The following PTPRD variants were observed in gnomAD, a reference collection of about 807,000 sequenced individuals.
PTPRD encodes receptor-type tyrosine-protein phosphatase delta.
Under a neutral mutation model 214.5 loss-of-function variants are expected in PTPRD, and 34 were observed. That is an observed-to-expected ratio of 0.16 (90% CI 0.12 to 0.21). The LOEUF is 0.21. Ranked by LOEUF, PTPRD falls within the 10% of genes least tolerant of loss-of-function variation. The pLI is 1.00. For synonymous variants in PTPRD, 1,128 were observed against 845.7 expected, an observed-to-expected ratio of 1.33 and a Z score of -5.79; for missense variants, 2,545 against 2,398.7, an observed-to-expected ratio of 1.06 and a Z score of -1.27.
chr9:9,125,289 C>G (rs998873233), intron 10 of PTPRD, among the ~76,000 whole-genome samples: 2 of 152,138 alleles, frequency 1.3e-5, no homozygotes, highest in African/African-American at 4.8e-5. Flanking sequence ...CATGGGAGCA[C>G]CTCGCTGCCA....
At chr9:10,041,214 T>C (rs1434191175) in intron 3 of PTPRD, among the ~76,000 whole-genome samples, 1 of 152,020 alleles carries the variant, frequency 6.6e-6, no homozygotes, top group Non-Finnish European at 1.5e-5. Context: ...CACACAAAAA[T>C]TTGTCATTTG....
At chr9:10,482,879 T>C (rs980988478) in intron 2 of PTPRD, among the ~76,000 whole-genome samples, 2 of 152,140 alleles carry the variant, frequency 1.3e-5, no homozygotes, top group African/African-American at 4.8e-5. Flanking sequence ...ATTGACAGAT[T>C]GAATGCAATC....
chr9:10,337,250 T>C (rs73644418), intron 3 of PTPRD, among the ~76,000 whole-genome samples: 1,976 of 151,814 alleles, frequency 0.013, 50 homozygotes, highest in African/African-American at 0.045. Context: ...CTCATTATTA[T>C]ATATGTACAC....
intron 6 of PTPRD, among the ~76,000 whole-genome samples, chr9:9,758,793 G>T (rs1474384205): frequency 2.0e-5 from 3 of 148,522 alleles, no homozygotes; most frequent in Admixed American, 1.4e-4. Flanking sequence ...AGAGCAACTG[G>T]AACATCAAGT....
At chr9:9,299,464 C>T (rs913800929) in intron 9 of PTPRD, among the ~76,000 whole-genome samples, 6 of 151,696 alleles carry the variant, frequency 4.0e-5, no homozygotes, top group African/African-American at 1.5e-4. Flanking sequence ...TTCAATGGTG[C>T]TGGCTAGTGA....
chr9:10,359,293 T>C (rs1351592149), intron 2 of PTPRD, among the ~76,000 whole-genome samples: 2 of 152,030 alleles, frequency 1.3e-5, no homozygotes, highest in African/African-American at 2.4e-5. Flanking sequence ...AATACATATA[T>C]GATTATAAGC....
Position 8,339,052 on chromosome 9 carries a change from AAGG to A in PTPRD, c.5254-8_5254-6del. ...CCAGTATTGGTGACATTTCTCCTAA[AAGG>A]AGAGAAGATTAATGTTAAACTATGC... On this transcript the variant is annotated splice_polypyrimidine_tract_variant and splice_region_variant and intron_variant, in intron 42 of 45. Coordinates refer to ENST00000381196, the MANE Select transcript of PTPRD (RefSeq NM_002839.4). 6.2e-7 allele frequency: 1 copy of A among 1,609,882 alleles called. No individual in the cohort carries two copies. The highest frequency in any genetic ancestry group is 8.5e-7 in the Non-Finnish European group (1 of 1,177,236).
intron 8 of PTPRD, among the ~76,000 whole-genome samples, chr9:9,522,387 G>A (rs1046600520): frequency 2.0e-5 from 3 of 152,052 alleles, no homozygotes; most frequent in African/African-American, 7.2e-5. Flanking sequence ...TTTCTAAAGG[G>A]AACTATCTGG....
rs375322764 is a variant in PTPRD, at chr9:8,933,040, C to G, written c.-104+85657G>C. Among the ~76,000 whole-genome samples the G allele has an allele frequency of 7.2e-4, 110 of 152,142 alleles. 1 individual carries two copies. The highest frequency in any genetic ancestry group is 3.4e-3 in the Middle Eastern group (1 of 294). On this transcript the variant is annotated intron_variant, in intron 11 of 45. Transcript: ENST00000381196. ...CTCCTGGTCTACAGGTTGCGAAGAC[C>G]ATGGGAAAAGCATAGTATCTGGACC...
intron 5 of PTPRD, among the ~76,000 whole-genome samples, chr9:9,853,299 G>A (rs1194779352): frequency 1.3e-5 from 2 of 152,124 alleles, no homozygotes; most frequent in African/African-American, 4.8e-5. Context: ...TTTATTTATA[G>A]ATACTAAAAT....
chr9:10,354,698 G>A (rs552070883), intron 2 of PTPRD, among the ~76,000 whole-genome samples: 22 of 152,168 alleles, frequency 1.4e-4, no homozygotes, highest in Admixed American at 4.6e-4. Context: ...TGAGGACACT[G>A]ATGAAACATG....
chr9:8,528,052 A>G (rs1431441730), intron 15 of PTPRD: 2 of 180,588 alleles, frequency 1.1e-5, no homozygotes, highest in Non-Finnish European at 2.3e-5. Flanking sequence ...TGTATTAGTG[A>G]AAAGAAAGCA....
intron 7 of PTPRD, among the ~76,000 whole-genome samples, chr9:9,659,404 T>A (rs1401125025): frequency 1.3e-5 from 2 of 152,056 alleles, no homozygotes; most frequent in Admixed American, 1.3e-4. Context: ...CAGGTGAAAT[T>A]ATAATATAGT....
At chr9:9,097,370 A>G (rs1437052732) in intron 10 of PTPRD, among the ~76,000 whole-genome samples, 1 of 151,872 alleles carries the variant, frequency 6.6e-6, no homozygotes, top group Non-Finnish European at 1.5e-5. Context: ...GAAGGGTTTA[A>G]AGAGGCCACA....
At position 8,341,320 on chromosome 9, in the gene PTPRD, C is replaced by G. The variant is rs775531908; in HGVS notation, c.4948-52G>C. 14 of 1,523,632 alleles carry G rather than the reference C, an allele frequency of 9.2e-6. No individual in the cohort carries two copies. In the South Asian group the frequency reaches 1.9e-4, roughly 20 times the overall value. The allele number at this position is 1,523,632 out of a possible 1,614,324, so 94.4% of individuals were successfully genotyped here. A position where few individuals can be genotyped will look rare whatever the true frequency, so the allele number is the denominator to read the frequency against. On this transcript the variant is annotated intron_variant, in intron 40 of 45. Transcript: ENST00000381196. ...AAAAACCCAACAAAGATCATTTTCA[C>G]CTACAGTTTGAATGCAGTGTACCCC...
chr9:8,441,490 C>A (rs1376413912), intron 34 of PTPRD, among the ~76,000 whole-genome samples: 2 of 151,842 alleles, frequency 1.3e-5, no homozygotes. Flanking sequence ...GAAACTCAGT[C>A]CATGTCAAAC....
chr9:9,881,829 C>T (rs1399093021), intron 5 of PTPRD, among the ~76,000 whole-genome samples: 2 of 152,062 alleles, frequency 1.3e-5, no homozygotes, highest in African/African-American at 4.8e-5. Context: ...TGACATATGC[C>T]AGAATGACTA....
At chr9:9,753,461 C>T (rs544109343) in intron 6 of PTPRD, among the ~76,000 whole-genome samples, 16 of 152,006 alleles carry the variant, frequency 1.1e-4, no homozygotes, top group Admixed American at 2.6e-4. Context: ...GGCTAAAGCA[C>T]GCAAGGCTAA....
chr9:8,396,668 C>G (rs889868397), intron 36 of PTPRD, among the ~76,000 whole-genome samples: 1 of 152,140 alleles, frequency 6.6e-6, no homozygotes, highest in Middle Eastern at 3.2e-3. Context: ...AATGCTTTTT[C>G]TCTTTTCCGG....
Sources: gnomAD v4.1 joint callset for allele counts (sites outside exome capture counted in the v4.1 genomes callset) on GRCh38, gnomAD v4.1.1 for gene constraint, MANE v1.5 for transcripts, NCBI Gene and HGNC (gene_info 2026-07-23, HGNC 2026-07-21) for gene names.